Variants in PIK3R2 observed in about 807,000 individuals in gnomAD.
PIK3R2 encodes the protein phosphatidylinositol 3-kinase regulatory subunit beta.
A neutral mutation model predicts 78.5 loss-of-function variants in PIK3R2; 40 were observed. The ratio of observed to expected loss-of-function variants is 0.51; its 90% confidence interval spans 0.40 to 0.66. The LOEUF is 0.66. PIK3R2 is among the 30% of genes least tolerant of loss of function. PIK3R2 has a pLI of 0.00. For missense variants in PIK3R2, 880 were observed against 1,026.6 expected (o/e 0.86, Z 1.95); for synonymous variants, 473 against 457.7 (o/e 1.03, Z -0.43).
chr19:18,155,688 C>T lies in PIK3R2; in HGVS notation c.-192C>T. The stretch of plus-strand genomic sequence containing the variant: ...AATGGTGGACCCAGTGACGAGTGGC[C>T]CTTGTAAGGGTCATGGAATAATTTG... On this transcript the variant is annotated 5_prime_UTR_variant, in exon 2 of 16. Coordinates refer to ENST00000222254, the MANE Select transcript of PIK3R2 (RefSeq NM_005027.4). 1.8e-6 allele frequency: 1 copy of T among 565,636 alleles called. No individual in the cohort carries two copies. Among genetic ancestry groups the T allele is most frequent in the Non-Finnish European group, 3.1e-6 (1 of 323,350 alleles). The allele number at this position is 565,636 out of a possible 1,614,324, so 35.0% of individuals were successfully genotyped here. A position where few individuals can be genotyped will look rare whatever the true frequency, so the allele number is the denominator to read the frequency against.
chr19:18,163,786 C>T (rs2043778144), intron 11 of PIK3R2, among the ~76,000 whole-genome samples: 1 of 151,582 alleles, frequency 6.6e-6, no homozygotes, highest in South Asian at 2.1e-4. Context: ...CATGCTGCTG[C>T]ACTCCAGCCT....
intron 11 of PIK3R2, among the ~76,000 whole-genome samples, chr19:18,165,217 A>T (rs1599982467): frequency 1.3e-5 from 2 of 150,526 alleles, no homozygotes; most frequent in East Asian, 3.9e-4. Context: ...AAAATACAAA[A>T]AATTAGGCGT....
At chr19:18,157,988 C>T (rs956747756) in intron 2 of PIK3R2, among the ~76,000 whole-genome samples, 14 of 152,280 alleles carry the variant, frequency 9.2e-5, no homozygotes, top group South Asian at 2.1e-4. Flanking sequence ...AGGATGCCGC[C>T]GGCACCCGCT....
chr19:18,166,705 CT>C (rs1466475434), intron 12 of PIK3R2, among the ~76,000 whole-genome samples: 3 of 105,612 alleles, frequency 2.8e-5, no homozygotes, highest in South Asian at 2.8e-4. Flanking sequence ...GAAAGACTGT[CT>C]CAAAAAAAAA....
At chr19:18,158,920 C>CA (rs1161517609) in intron 2 of PIK3R2, among the ~76,000 whole-genome samples, 2 of 152,090 alleles carry the variant, frequency 1.3e-5, no homozygotes, top group African/African-American at 4.8e-5. Context: ...TTGGCTCCTG[C>CA]AACCTCTGCC....
chr19:18,168,657 C>T lies in PIK3R2; in HGVS notation c.1809-69C>T, dbSNP rs918131927. 2 of 1,342,938 alleles carry T rather than the reference C, an allele frequency of 1.5e-6. No homozygotes were observed. The highest frequency in any genetic ancestry group is 2.3e-5 in the East Asian group (1 of 43,302). 83.2% of individuals were successfully genotyped at this position (1,342,938 alleles called of 1,614,324 possible). ...CACCAGGGAGGAAAAGTTGTCCAGG[C>T]AGCTGGGGAGCCTCGGAGGCTGGCA... On this transcript the variant is annotated intron_variant, in intron 14 of 15. Transcript: ENST00000222254. The surrounding 1 kb of genome is among the most constrained non-coding windows in gnomAD (Gnocchi z 4.1).
chr19:18,154,587 A>G (rs1348616001), intron 1 of PIK3R2, among the ~76,000 whole-genome samples: 1 of 151,958 alleles, frequency 6.6e-6, no homozygotes. Flanking sequence ...GGAGCTCCCA[A>G]AGCACCCGGA....
chr19:18,158,483 T>TC (rs2043702575), intron 2 of PIK3R2, among the ~76,000 whole-genome samples: 1 of 111,080 alleles, frequency 9.0e-6, no homozygotes, highest in South Asian at 3.2e-4. Flanking sequence ...AGAGCAAGAC[T>TC]CCATCTCAAA....
chr19:18,159,162 TTA>T (rs1491379808), intron 2 of PIK3R2, among the ~76,000 whole-genome samples: 1 of 141,656 alleles, frequency 7.1e-6, no homozygotes, highest in Admixed American at 7.2e-5. Flanking sequence ...TTTTTTTTTT[TTA>T]AATTATTTAA....
rs565485814 is a variant in PIK3R2 at position 18,156,137 on chromosome 19, C to T, written c.258C>T (p.Pro86=). 1.1e-4 allele frequency: 170 copies of T among 1,484,166 alleles called. 1 individual carries two copies. Among genetic ancestry groups the T allele is most frequent in the East Asian group, 3.1e-4 (12 of 38,116 alleles). 91.9% of individuals were successfully genotyped at this position (1,484,166 alleles called of 1,614,324 possible). A position where few individuals can be genotyped will look rare whatever the true frequency, so the allele number is the denominator to read the frequency against. Residue 86 remains proline, a synonymous_variant, in exon 2 of 16, where the codon CCC becomes CCT. Coordinates refer to ENST00000222254, the MANE Select transcript of PIK3R2 (RefSeq NM_005027.4). This position sits in a 1 kb window ranked among gnomAD's most constrained non-coding sequence, Gnocchi z 4.2. ...TGGGGCCCGTGGCCCTGGCCCGGCCCGGCCCTCGCCCACGGGGCCCCCGCC... is the reference window on the plus strand; with the variant it reads ...TGGGGCCCGTGGCCCTGGCCCGGCCTGGCCCTCGCCCACGGGGCCCCCGCC... The part of the protein sequence containing the change: ...EFLGPVALAR[P]GPRPRGPRPL...
rs2043679066 is a variant in PIK3R2, at chr19:18,156,244, C to T, written c.322+43C>T. ...GCCCTGGAAAGGGGGGTGGTCCCCT[C>T]AGACCCTTGGTCTCCTCTTCTGTCC... is the stretch of plus-strand genomic sequence containing the variant. On this transcript the variant is annotated intron_variant, in intron 2 of 15. Transcript: ENST00000222254. The surrounding 1 kb of genome is among the most constrained non-coding windows in gnomAD (Gnocchi z 4.2). The T allele has an allele frequency of 1.4e-6, 2 of 1,394,806 alleles. No homozygotes were observed. Among genetic ancestry groups the T allele is most frequent in the Non-Finnish European group, 1.9e-6 (2 of 1,054,958 alleles). The allele number at this position is 1,394,806 out of a possible 1,614,324, so 86.4% of individuals were successfully genotyped here.
intron 9 of PIK3R2, 181 bp downstream of exon 9, chr19:18,162,687 C>T: frequency 1.6e-6 from 1 of 619,434 alleles, no homozygotes; most frequent in East Asian, 2.8e-5. Context: ...AGTTTAAAAC[C>T]AGCCTGGCCA....
intron 2 of PIK3R2, 58 bp from the exon 3 acceptor site, chr19:18,160,413 G>T: frequency 9.6e-7 from 1 of 1,044,814 alleles, no homozygotes; most frequent in East Asian, 2.4e-5. Context: ...GCAAAGAGAG[G>T]GGCTGGGCTC....
In PIK3R2 at chr19:18,169,353, G is replaced by A. The variant is rs1276679083; in HGVS notation, c.*59G>A. Reference sequence around the variant, plus strand: ...TGGGCCCGTCTGCGCCGGAGGCTGCGGCGGCGGGAGCCACGGACCAGACCA... The same window carrying A: ...TGGGCCCGTCTGCGCCGGAGGCTGCAGCGGCGGGAGCCACGGACCAGACCA... On this transcript the variant is annotated 3_prime_UTR_variant, in exon 16 of 16. Transcript: ENST00000222254. 2.8e-6 allele frequency: 3 copies of A among 1,061,068 alleles called. No individual in the cohort carries two copies. Among genetic ancestry groups the A allele is most frequent in the South Asian group, 6.1e-5 (2 of 32,764 alleles). The allele number at this position is 1,061,068 out of a possible 1,614,324, so 65.7% of individuals were successfully genotyped here.
Position 18,161,856 on chromosome 19 carries a change from C to T in PIK3R2, c.816-110C>T, listed in dbSNP as rs2043751229. The T allele has an allele frequency of 1.0e-5, 9 of 867,966 alleles. No individual in the cohort carries two copies. The highest frequency in any genetic ancestry group is 1.7e-5 in the Non-Finnish European group (9 of 527,222). 53.8% of individuals were successfully genotyped at this position (867,966 alleles called of 1,614,324 possible). ...GTATCATCTCCTCCTCCGCCCTGCA[C>T]ATACTGTCTCGTATATACCCCCAGG... On this transcript the variant is annotated intron_variant, in intron 6 of 15. Coordinates refer to ENST00000222254, the MANE Select transcript of PIK3R2 (RefSeq NM_005027.4). This position sits in a 1 kb window ranked among gnomAD's most constrained non-coding sequence, Gnocchi z 5.3.
chr19:18,167,331 T>TG lies in PIK3R2; in HGVS notation c.1736+26dup. On this transcript the variant is annotated intron_variant, in intron 13 of 15. Transcript: ENST00000222254. The surrounding 1 kb of genome is among the most constrained non-coding windows in gnomAD (Gnocchi z 4.5). The stretch of plus-strand genomic sequence containing the variant: ...TGTAAGTGGCGGCTCCATACTTCCC[T>TG]GCGGCTCCCTGGCGACTGCTGCGGC... 6.6e-7 allele frequency: 1 copy of TG among 1,526,088 alleles called. No individual in the cohort carries two copies. Among genetic ancestry groups the TG allele is most frequent in the Non-Finnish European group, 8.8e-7 (1 of 1,132,310 alleles). 94.5% of individuals were successfully genotyped at this position (1,526,088 alleles called of 1,614,324 possible). A position where few individuals can be genotyped will look rare whatever the true frequency, so the allele number is the denominator to read the frequency against.
rs1047860849 is a variant in PIK3R2 at position 18,156,567 on chromosome 19, G to A, written c.322+366G>A. 3.9e-5 allele frequency among the ~76,000 whole-genome samples: 6 copies of A among 152,160 alleles called. No individual in the cohort carries two copies. Among genetic ancestry groups the A allele is most frequent in the African/African-American group, 1.4e-4 (6 of 41,434 alleles). ...GAGGACCAGAGGGAGGAAGGGGAGG[G>A]CAATGTGCGCTGGCATGGAGGACTT... On this transcript the variant is annotated intron_variant, in intron 2 of 15. Coordinates refer to ENST00000222254, the MANE Select transcript of PIK3R2 (RefSeq NM_005027.4). This position sits in a 1 kb window ranked among gnomAD's most constrained non-coding sequence, Gnocchi z 4.2.
chr19:18,163,529 G>T, intron 11 of PIK3R2, 141 bp downstream of exon 11: 3 of 854,580 alleles, frequency 3.5e-6, no homozygotes, highest in Non-Finnish European at 5.4e-6. Flanking sequence ...ACCAAGGGCT[G>T]TTCTAAAAAC....
rs1185308617 is a variant in PIK3R2, at chr19:18,168,169, G to T, written c.1737-306G>T. ...CGACAGCTGCCCTGTGCAAAGGCCAGCAGTGCTGGAGTGAGCCTCTGGTGA... is the reference window on the plus strand; with the variant it reads ...CGACAGCTGCCCTGTGCAAAGGCCATCAGTGCTGGAGTGAGCCTCTGGTGA... On this transcript the variant is annotated intron_variant, in intron 13 of 15. Transcript: ENST00000222254. The surrounding 1 kb of genome is among the most constrained non-coding windows in gnomAD (Gnocchi z 4.1). 1.3e-5 allele frequency among the ~76,000 whole-genome samples: 2 copies of T among 152,196 alleles called. No individual in the cohort carries two copies. Among genetic ancestry groups the T allele is most frequent in the African/African-American group, 4.8e-5 (2 of 41,450 alleles).
Sources: allele counts gnomAD v4.1 joint callset (sites outside exome capture counted in the v4.1 genomes callset), GRCh38; gene constraint gnomAD v4.1.1; non-coding constraint Gnocchi (gnomAD v3.1); transcripts MANE v1.5; gene names NCBI Gene and HGNC (gene_info 2026-07-23, HGNC 2026-07-21).